NPAT: variants seen among roughly 807,000 people sequenced by gnomAD.
The protein encoded by NPAT is protein NPAT.
NPAT carries 52 observed loss-of-function variants against 130.7 expected under a neutral mutation model. The observed-to-expected ratio is 0.40, with a 90% CI of 0.32 to 0.50. NPAT has a LOEUF of 0.50. Among genes scored for constraint, NPAT ranks in the 20% least tolerant of loss-of-function variants. The pLI is 0.68. For synonymous variants in NPAT, 580 were observed against 584.8 expected (o/e 0.99, Z 0.12); for missense variants, 1,687 against 1,662.6 (o/e 1.01, Z -0.26).
intron 12 of NPAT, among the ~76,000 whole-genome samples, chr11:108,174,599 A>G (rs2134839796): frequency 6.7e-6 from 1 of 150,034 alleles, no homozygotes; most frequent in Non-Finnish European, 1.5e-5. Context: ...TGATATGAGT[A>G]AGGAAAGAGT....
chr11:108,204,689 A>C (rs934628624), intron 1 of NPAT, among the ~76,000 whole-genome samples: 25 of 152,352 alleles, frequency 1.6e-4, no homozygotes, highest in African/African-American at 6.0e-4. Context: ...CAGGAGCCGC[A>C]AGCCAGAGTG....
At chr11:108,174,800 G>C (rs2077989253) in intron 12 of NPAT, among the ~76,000 whole-genome samples, 1 of 151,954 alleles carries the variant, frequency 6.6e-6, no homozygotes, top group Admixed American at 6.6e-5. Context: ...TGTATTTTTA[G>C]TAGAGGCGCG....
intron 2 of NPAT, among the ~76,000 whole-genome samples, chr11:108,195,301 T>A (rs1402552815): frequency 6.6e-6 from 1 of 152,238 alleles, no homozygotes; most frequent in Non-Finnish European, 1.5e-5. Flanking sequence ...TGACTTTTAA[T>A]TCTTACCAGT....
Position 108,173,231 on chromosome 11 carries a change from A to G in NPAT, c.1753T>C (p.Leu585=). 6.2e-7 allele frequency: 1 copy of G among 1,613,280 alleles called. No individual in the cohort carries two copies. The highest frequency in any genetic ancestry group is 8.5e-7 in the Non-Finnish European group (1 of 1,179,570). The change falls in exon 13 of 18, where the codon TTA becomes CTA. Residue 585 remains leucine, a synonymous_variant. Coordinates refer to ENST00000278612, the MANE Select transcript of NPAT (RefSeq NM_002519.3). ...GATAGCTGTGACATAACTGGTTCTA[A>G]CACATTAATTTCTATTTTACTCTTG... ...VHKSKIEINV[L]EPVMSQLSNC...
intron 1 of NPAT, among the ~76,000 whole-genome samples, chr11:108,212,686 T>C (rs926724100): frequency 6.6e-6 from 1 of 151,818 alleles, no homozygotes; most frequent in African/African-American, 2.4e-5. Flanking sequence ...GGCTCATACC[T>C]ATAATCCCAG....
At chr11:108,219,419 T>C (rs2078463581) in intron 1 of NPAT, among the ~76,000 whole-genome samples, 1 of 152,212 alleles carries the variant, frequency 6.6e-6, no homozygotes, top group South Asian at 2.1e-4. Flanking sequence ...AGCTTTTCTC[T>C]CACCAGTGTA....
intron 7 of NPAT, among the ~76,000 whole-genome samples, chr11:108,186,802 A>G (rs1460936114): frequency 2.0e-5 from 3 of 152,192 alleles, no homozygotes; most frequent in African/African-American, 7.2e-5. Context: ...CACTGCATAT[A>G]GGCAGGTTTT....
chr11:108,175,502 T>C (rs1255090500), intron 12 of NPAT, among the ~76,000 whole-genome samples: 1 of 152,198 alleles, frequency 6.6e-6, no homozygotes, highest in Non-Finnish European at 1.5e-5. Flanking sequence ...GTAGGATGAC[T>C]TTCTCAGAAA....
intron 1 of NPAT, among the ~76,000 whole-genome samples, chr11:108,220,166 T>A (rs1410678794): frequency 6.6e-6 from 1 of 152,176 alleles, no homozygotes; most frequent in Non-Finnish European, 1.5e-5. Context: ...CAACAAACAC[T>A]TTGATGTATT....
Position 108,173,441 on chromosome 11 carries a change from G to C in NPAT, c.1543C>G (p.Leu515Val), listed in dbSNP as rs1396640674. 2 of 1,614,044 alleles carry C rather than the reference G, an allele frequency of 1.2e-6. No individual in the cohort carries two copies. The highest frequency in any genetic ancestry group is 2.7e-5 in the African/African-American group (2 of 74,930). The change falls in exon 13 of 18, where the codon CTT becomes GTT. Residue 515 changes from leucine (L) to valine (V), a missense_variant. Physicochemically the swap from Leu to Val is conservative, Grantham distance 32. This residue lies in a region of NPAT where 1,379 missense variants were observed against 1,346.6 expected (regional missense o/e 1.02). Transcript: ENST00000278612. ...TTTTCATTGTTAGCTTCACAACCAA[G>C]TGAAACAAATGAAGTTATTGGTATA... ...PDIPITSFVS[L>V]GCEANNENLI... is the part of the protein sequence containing the mutation.
At position 108,217,339 on chromosome 11, in the gene NPAT, G is replaced by T. The variant is rs1429227774; in HGVS notation, c.37+5161C>A. ...TTGTTTTTATTAATCCATCTTAAAT[G>T]TATATATAGCTTACATGTATTTCAA... is the stretch of plus-strand genomic sequence containing the variant. On this transcript the variant is annotated intron_variant, in intron 1 of 17. Transcript: ENST00000278612. Among the ~76,000 whole-genome samples the T allele has an allele frequency of 2.6e-5, 4 of 152,106 alleles. No homozygotes were observed. The East Asian group carries it at 7.7e-4, about 29-fold the overall frequency.
At chr11:108,159,163 A>G in intron 17 of NPAT, 144 bp from the exon 18 acceptor site, 1 of 597,544 alleles carries the variant, frequency 1.7e-6, no homozygotes, top group Non-Finnish European at 3.0e-6. Flanking sequence ...TTACTTCTAT[A>G]GAGAAGTAGA....
At chr11:108,193,735 C>T (rs1565321158) in intron 3 of NPAT, among the ~76,000 whole-genome samples, 1 of 150,764 alleles carries the variant, frequency 6.6e-6, no homozygotes, top group African/African-American at 2.4e-5. Flanking sequence ...CAAAAAAAAC[C>T]AAAAAAACAA....
intron 2 of NPAT, among the ~76,000 whole-genome samples, chr11:108,194,420 A>G (rs1235210483): frequency 5.9e-5 from 9 of 152,204 alleles, no homozygotes; most frequent in Non-Finnish European, 1.3e-4. Flanking sequence ...GTTTATTTGT[A>G]TCTTCTTCCT....
intron 1 of NPAT, among the ~76,000 whole-genome samples, chr11:108,218,146 T>G (rs1197305638): frequency 6.6e-6 from 1 of 152,226 alleles, no homozygotes; most frequent in Non-Finnish European, 1.5e-5. Flanking sequence ...GTGTATTTTT[T>G]TGTGTAAACT....
chr11:108,159,954 T>C (rs1190632647), intron 17 of NPAT, among the ~76,000 whole-genome samples: 1 of 151,660 alleles, frequency 6.6e-6, no homozygotes. Flanking sequence ...AGTTCAAGAC[T>C]AGCCTGGCCA....
Position 108,158,668 on chromosome 11 carries a change from AT to A in NPAT, c.*273del. ...TCTATTTCAACAAGATTTACACAGTATTTACAATATGGAATTGTCAAAGCTA... is the reference window on the plus strand; with the variant it reads ...TCTATTTCAACAAGATTTACACAGTATTACAATATGGAATTGTCAAAGCTA... On this transcript the variant is annotated 3_prime_UTR_variant, in exon 18 of 18. Coordinates refer to ENST00000278612, the MANE Select transcript of NPAT (RefSeq NM_002519.3). 5.6e-6 allele frequency: 2 copies of A among 359,312 alleles called. No homozygotes were observed. Among genetic ancestry groups the A allele is most frequent in the Admixed American group, 8.8e-5 (2 of 22,696 alleles). 22.3% of individuals were successfully genotyped at this position (359,312 alleles called of 1,614,324 possible).
In NPAT at chr11:108,190,559, T is replaced by A. The variant is rs776054147; in HGVS notation, c.291-59A>T. The A allele has an allele frequency of 3.4e-6, 5 of 1,460,994 alleles. No individual in the cohort carries two copies. In the African/African-American group the frequency reaches 5.6e-5, roughly 16 times the overall value. The allele number at this position is 1,460,994 out of a possible 1,614,324, so 90.5% of individuals were successfully genotyped here. ...AAATGTTTGTTGCTGACATCCACTA[T>A]GATTTAGTTACAGTCAGACCTCAAG... On this transcript the variant is annotated intron_variant, in intron 4 of 17. Coordinates refer to ENST00000278612, the MANE Select transcript of NPAT (RefSeq NM_002519.3).
At chr11:108,183,412 A>T (rs547634652) in intron 10 of NPAT, among the ~76,000 whole-genome samples, 5 of 152,356 alleles carry the variant, frequency 3.3e-5, no homozygotes, top group African/African-American at 1.2e-4. Flanking sequence ...AACCTGCTCT[A>T]ATACACTCAC....
Sources: gnomAD v4.1 joint callset for allele counts (sites outside exome capture counted in the v4.1 genomes callset) on GRCh38, gnomAD v4.1.1 for gene constraint, gnomAD v4.1.1 regional missense constraint, MANE v1.5 for transcripts, NCBI Gene and HGNC (gene_info 2026-07-23, HGNC 2026-07-21) for gene names.